HAGH: variants seen among roughly 807,000 people sequenced by gnomAD.
The protein encoded by HAGH is hydroxyacylglutathione hydrolase, mitochondrial.
HAGH carries 29 observed loss-of-function variants against 35.1 expected under a neutral mutation model. The ratio of observed to expected loss-of-function variants is 0.83; its 90% CI spans 0.62 to 1.13. The LOEUF is 1.13. Ranked by LOEUF, HAGH falls within the 50% of genes most tolerant of loss-of-function variation. The pLI, the probability that HAGH is intolerant of heterozygous loss-of-function variation, is 0.00. For synonymous variants in HAGH, 225 were observed against 176.1 expected (o/e 1.28, Z -2.20); for missense variants, 478 against 419.6 (o/e 1.14, Z -1.22).
At chr16:1,821,031 C>T (rs1202436973) in intron 3 of HAGH, among the ~76,000 whole-genome samples, 5 of 152,188 alleles carry the variant, frequency 3.3e-5, no homozygotes, top group Non-Finnish European at 7.3e-5. Flanking sequence ...CTGTGATGTG[C>T]CAGGCAGCCA....
chr16:1,813,275 C>G (rs1163943824), intron 7 of HAGH, among the ~76,000 whole-genome samples: 1 of 152,228 alleles, frequency 6.6e-6, no homozygotes, highest in Non-Finnish European at 1.5e-5. Context: ...CACCCACCAG[C>G]TCCTTTCGCC....
chr16:1,826,880 C>A, upstream of HAGH: 3 of 816,526 alleles, frequency 3.7e-6, no homozygotes, highest in South Asian at 1.1e-4. Context: ...TCGCGCTGCC[C>A]TCAGCCAATC....
chr16:1,821,220 A>G (rs1198658914), intron 3 of HAGH, among the ~76,000 whole-genome samples: 1 of 152,182 alleles, frequency 6.6e-6, no homozygotes, highest in Non-Finnish European at 1.5e-5. Context: ...ATGACCCCGA[A>G]GAGGCTCGAG....
intron 4 of HAGH, 172 bp downstream of exon 4, chr16:1,819,725 C>T: frequency 1.6e-6 from 1 of 630,868 alleles, no homozygotes; most frequent in East Asian, 2.7e-5. Context: ...GCGTTTTGCA[C>T]ACTCCTCTCC....
chr16:1,820,751 T>G (rs932749971), intron 3 of HAGH, among the ~76,000 whole-genome samples: 1 of 152,168 alleles, frequency 6.6e-6, no homozygotes, highest in African/African-American at 2.4e-5. Context: ...CCGCCTGCCT[T>G]GGCACCACTG....
chr16:1,809,374 G>T lies in HAGH; in HGVS notation c.836C>A (p.Thr279Lys). ...YNPFMRVREK[T>K]VQQHAGETDP... ...CGTCTCACCTGCGTGCTGCTGCACC[G>T]TCTTCTCCCTGCGGAGGCCAGCACC... The change falls in exon 9 of 9, where the codon ACG becomes AAG. Residue 279 changes from threonine to lysine, a missense_variant. By Grantham distance (78) the Thr-to-Lys change is moderately conservative (BLOSUM62 -1). Transcript: ENST00000397356. The T allele has an allele frequency of 5.0e-6, 8 of 1,610,274 alleles. No individual in the cohort carries two copies. The South Asian group carries it at 8.8e-5, about 18-fold the overall frequency.
intron 7 of HAGH, among the ~76,000 whole-genome samples, chr16:1,815,188 G>C (rs1180325664): frequency 6.6e-6 from 1 of 152,074 alleles, no homozygotes; most frequent in Admixed American, 6.5e-5. Flanking sequence ...AAATTGGAGA[G>C]ACCGACAACA....
intron 4 of HAGH, 48 bp downstream of exon 4, chr16:1,819,849 C>G (rs199897236): frequency 3.4e-6 from 4 of 1,173,014 alleles, no homozygotes; most frequent in Non-Finnish European, 5.1e-6. Flanking sequence ...CCCTCCCCCA[C>G]GCTCCTGACA....
intron 1 of HAGH, chr16:1,826,484 G>A (rs2142057866): frequency 5.6e-6 from 5 of 885,702 alleles, no homozygotes; most frequent in Non-Finnish European, 6.7e-6. Flanking sequence ...GGCCGCGGCG[G>A]ACGCAGGCCT....
chr16:1,821,936 TTTTTTTTGTTTTTTTG>T (rs1352953845), intron 3 of HAGH: 1 of 178,394 alleles, frequency 5.6e-6, no homozygotes, highest in Non-Finnish European at 1.1e-5. Flanking sequence ...GGCTGCTTGT[TTTTTTTTGTTTTTTTG>T]TTTTTTTTTT....
intron 3 of HAGH, 70 bp downstream of exon 3, chr16:1,822,230 G>A: frequency 1.0e-6 from 1 of 962,414 alleles, no homozygotes; most frequent in South Asian, 1.3e-5. Context: ...GACAGGCCTT[G>A]ATGTCCCTAA....
At position 1,822,948 on chromosome 16, in the gene HAGH, C is replaced by T. The variant is rs1436618211; in HGVS notation, c.166G>A (p.Ala56Thr). Residue 56 changes from alanine to threonine, a missense_variant, in exon 2 of 9, where the codon GCC becomes ACC. Transcript: ENST00000397356. Reference sequence around the variant, plus strand: ...AGGTACATGTAGTTGTCGGTCAGGGCAGGCAGCACCTCTACCTTCATGGTG... The same window carrying T: ...AGGTACATGTAGTTGTCGGTCAGGGTAGGCAGCACCTCTACCTTCATGGTG... Reference protein sequence around the residue: ...EGTMKVEVLPALTDNYMYLVI... With the variant: ...EGTMKVEVLPTLTDNYMYLVI... The T allele has an allele frequency of 1.2e-6, 2 of 1,613,498 alleles. No individual in the cohort carries two copies. Among genetic ancestry groups the T allele is most frequent in the African/African-American group, 2.7e-5 (2 of 74,930 alleles).
At chr16:1,821,101 G>A (rs951907935) in intron 3 of HAGH, among the ~76,000 whole-genome samples, 8 of 152,272 alleles carry the variant, frequency 5.3e-5, no homozygotes, top group African/African-American at 1.2e-4. Context: ...GGCCTCGCAC[G>A]ACAGGCAGGC....
chr16:1,810,456 G>C (rs889490051), intron 7 of HAGH: 1 of 153,326 alleles, frequency 6.5e-6, no homozygotes, highest in African/African-American at 2.4e-5. Context: ...GGGGAGGAGG[G>C]GCACAGGGAC....
chr16:1,814,273 G>C (rs1419540428), intron 7 of HAGH, among the ~76,000 whole-genome samples: 2 of 151,992 alleles, frequency 1.3e-5, no homozygotes, highest in Admixed American at 6.6e-5. Context: ...TCAGGAGTTC[G>C]AGTCCAGCCT....
In HAGH at chr16:1,809,318, T is replaced by G; in HGVS notation, c.892A>C (p.Arg298=). 1 of 1,613,694 alleles carries G rather than the reference T, an allele frequency of 6.2e-7. No individual in the cohort carries two copies. The highest frequency in any genetic ancestry group is 8.5e-7 in the Non-Finnish European group (1 of 1,179,752). The change falls in exon 9 of 9, where the codon AGG becomes CGG. Residue 298 remains arginine (R), a synonymous_variant. Coordinates refer to ENST00000397356, the MANE Select transcript of HAGH (RefSeq NM_005326.6). ...GGCATCTTGAACTGGTCCTTCTCCC[T>G]GCGCACGGCCCGCATGGTGGTCACC... ...DPVTTMRAVR[R]EKDQFKMPRD is the part of the protein sequence containing the mutation.
intron 2 of HAGH, among the ~76,000 whole-genome samples, chr16:1,822,654 T>C (rs1452872931): frequency 6.6e-6 from 1 of 152,158 alleles, no homozygotes; most frequent in Admixed American, 6.5e-5. Flanking sequence ...CCAAGAAGAC[T>C]CAAGTGCCCA....
intron 7 of HAGH, among the ~76,000 whole-genome samples, chr16:1,814,172 A>G (rs1028132074): frequency 1.3e-5 from 2 of 150,094 alleles, no homozygotes; most frequent in Non-Finnish European, 3.0e-5. Context: ...GGCACAAGAA[A>G]CATAAAAGAA....
chr16:1,813,497 C>G (rs901875203), intron 7 of HAGH, among the ~76,000 whole-genome samples: 1 of 152,198 alleles, frequency 6.6e-6, no homozygotes, highest in Non-Finnish European at 1.5e-5. Flanking sequence ...AACAAATAAT[C>G]ATGACCAGAA....
Sources: gnomAD v4.1 joint callset for allele counts (sites outside exome capture counted in the v4.1 genomes callset) on GRCh38, gnomAD v4.1.1 for gene constraint, MANE v1.5 for transcripts, NCBI Gene and HGNC (gene_info 2026-07-23, HGNC 2026-07-21) for gene names.